The following PDE1C variants were observed in gnomAD, a reference collection of about 807,000 sequenced individuals.
PDE1C encodes phosphodiesterase 1C, also known as dual specificity calcium/calmodulin-dependent 3',5'-cyclic nucleotide phosphodiesterase 1C.
PDE1C carries 62 observed loss-of-function variants against 93.1 expected under a neutral mutation model. The ratio of observed to expected loss-of-function variants is 0.67; its 90% CI spans 0.54 to 0.82. The LOEUF is 0.82. PDE1C is among the 40% of genes least tolerant of loss of function. PDE1C has a pLI of 0.00. For missense variants in PDE1C, 742 were observed against 884.6 expected (o/e 0.84, Z 2.04); for synonymous variants, 325 against 310.1 (o/e 1.05, Z -0.50).
chr7:32,018,097 A>G (rs1788155683), intron 2 of PDE1C, among the ~76,000 whole-genome samples: 1 of 151,750 alleles, frequency 6.6e-6, no homozygotes, highest in Non-Finnish European at 1.5e-5. Flanking sequence ...AAAAAAAAAG[A>G]AAAACACAAT....
intron 2 of PDE1C, among the ~76,000 whole-genome samples, chr7:31,997,404 T>A (rs781532974): frequency 1.1e-4 from 17 of 152,200 alleles, no homozygotes; most frequent in Non-Finnish European, 1.8e-4. Context: ...ATGGTTGGAT[T>A]CAGGTCTTTT....
chr7:31,845,106 G>A (rs1387443648), intron 9 of PDE1C, among the ~76,000 whole-genome samples: 1 of 151,954 alleles, frequency 6.6e-6, no homozygotes, highest in African/African-American at 2.4e-5. Context: ...TTATAACACA[G>A]CTCCATTAGT....
intron 2 of PDE1C, among the ~76,000 whole-genome samples, chr7:32,008,916 A>C (rs1300926546): frequency 8.5e-6 from 1 of 117,602 alleles, no homozygotes; most frequent in East Asian, 2.6e-4. Flanking sequence ...GGGTTCAAAA[A>C]TATTTTGATA....
intron 1 of PDE1C, among the ~76,000 whole-genome samples, chr7:32,230,487 C>T (rs1397597124): frequency 6.6e-6 from 1 of 152,008 alleles, no homozygotes; most frequent in Non-Finnish European, 1.5e-5. Context: ...AAGTTAGAAG[C>T]CTTAAGACCC....
At chr7:32,112,151 G>A (rs1798677238) in intron 3 of PDE1C, among the ~76,000 whole-genome samples, 1 of 152,000 alleles carries the variant, frequency 6.6e-6, no homozygotes, top group Non-Finnish European at 1.5e-5. Flanking sequence ...ATCTCTTGTG[G>A]GTTTTCCCAG....
chr7:32,358,548 G>C (rs1013485871), intron 1 of PDE1C, among the ~76,000 whole-genome samples: 3 of 152,108 alleles, frequency 2.0e-5, no homozygotes, highest in African/African-American at 7.2e-5. Context: ...GCAAGTGGGG[G>C]TGTGGAAAGT....
chr7:31,908,037 T>G (rs1446804927), intron 2 of PDE1C, among the ~76,000 whole-genome samples: 1 of 152,152 alleles, frequency 6.6e-6, no homozygotes, highest in Non-Finnish European at 1.5e-5. Flanking sequence ...ATTTACACAA[T>G]GATTGAATAA....
At chr7:31,642,236 C>A in the PDE1C span, 1 of 1,554,084 alleles carries the variant, frequency 6.4e-7, no homozygotes, top group Non-Finnish European at 8.7e-7. Context: ...CTGGAGGAGC[C>A]GCTGGAACCG....
chr7:31,640,549 C>G, the PDE1C span, among the ~76,000 whole-genome samples: 1 of 152,184 alleles, frequency 6.6e-6, no homozygotes, highest in African/African-American at 2.4e-5. Context: ...TCTCTCAAAG[C>G]GCTAAGCTGG....
the PDE1C span, among the ~76,000 whole-genome samples, chr7:31,732,634 CTTTCTGTGTGTGTGTG>C: frequency 5.5e-5 from 4 of 72,844 alleles, no homozygotes; most frequent in East Asian, 2.1e-3. Context: ...TCTCTCCTCT[CTTTCTGTGTGTGTGTG>C]TGTGTGTGTG....
intron 2 of PDE1C, among the ~76,000 whole-genome samples, chr7:31,884,667 G>C (rs1797664169): frequency 6.6e-6 from 1 of 152,086 alleles, no homozygotes; most frequent in African/African-American, 2.4e-5. Context: ...AGGCCCCTCA[G>C]CCCACCTTTC....
At chr7:32,022,582 A>AT (rs1788835893) in intron 2 of PDE1C, among the ~76,000 whole-genome samples, 1 of 152,106 alleles carries the variant, frequency 6.6e-6, no homozygotes, top group South Asian at 2.1e-4. Context: ...ATCTAGGCTT[A>AT]TAAGCAGAAA....
intron 16 of PDE1C, among the ~76,000 whole-genome samples, chr7:31,782,740 G>A (rs1435101603): frequency 1.3e-5 from 2 of 152,154 alleles, no homozygotes; most frequent in Admixed American, 1.3e-4. Context: ...TTAAATTTTT[G>A]GACTTCATGA....
the PDE1C span, among the ~76,000 whole-genome samples, chr7:31,704,290 C>T: frequency 6.6e-6 from 1 of 152,292 alleles, no homozygotes; most frequent in East Asian, 1.9e-4. Context: ...CTAGCCCTGG[C>T]TCCCTGAGAC....
intron 17 of PDE1C, among the ~76,000 whole-genome samples, chr7:31,755,618 A>G (rs564608339): frequency 1.3e-4 from 20 of 152,340 alleles, no homozygotes; most frequent in African/African-American, 4.3e-4. Context: ...ACAACAATAG[A>G]CAAAGGAGCC....
At chr7:32,146,293 C>A (rs1378867588) in intron 3 of PDE1C, among the ~76,000 whole-genome samples, 1 of 152,102 alleles carries the variant, frequency 6.6e-6, no homozygotes, top group Non-Finnish European at 1.5e-5. Context: ...AGCTTCAAGT[C>A]AACACAAATG....
intron 1 of PDE1C, among the ~76,000 whole-genome samples, chr7:32,318,994 C>A (rs141769613): frequency 6.6e-6 from 1 of 152,304 alleles, no homozygotes; most frequent in East Asian, 1.9e-4. Context: ...TCAAAAGAAC[C>A]GGTGGTGATT....
chr7:31,686,625 A>G, the PDE1C span: 2 of 152,314 alleles, frequency 1.3e-5, no homozygotes, highest in Middle Eastern at 3.4e-3. Context: ...CCTTGGTCAG[A>G]TGATTTGGTA....
At chr7:32,003,064 T>C (rs1274666011) in intron 2 of PDE1C, among the ~76,000 whole-genome samples, 1 of 152,234 alleles carries the variant, frequency 6.6e-6, no homozygotes, top group Admixed American at 6.5e-5. Flanking sequence ...GGTCATTCAA[T>C]TTCATTTCTG....
Sources: gnomAD v4.1 joint callset for allele counts (sites outside exome capture counted in the v4.1 genomes callset) on GRCh38, gnomAD v4.1.1 for gene constraint, MANE v1.5 for transcripts, NCBI Gene and HGNC (gene_info 2026-07-23, HGNC 2026-07-21) for gene names.